The following LGALS12 variants were observed in gnomAD, a reference collection of about 807,000 sequenced individuals.
LGALS12 encodes galectin 12.
A neutral mutation model predicts 36.8 loss-of-function variants in LGALS12; 36 were observed. The ratio of observed to expected loss-of-function variants is 0.98; its 90% CI spans 0.75 to 1.29. LGALS12 has a LOEUF of 1.29. Ranked by LOEUF, LGALS12 falls within the 50% of genes most tolerant of loss-of-function variation. LGALS12 has a pLI of 0.00. For synonymous variants in LGALS12, 145 were observed against 155.9 expected (o/e 0.93, Z 0.52); for missense variants, 366 against 394.3 (o/e 0.93, Z 0.61).
intron 5 of LGALS12, 119 bp downstream of exon 5, chr11:63,510,620 C>T (rs973791957): frequency 2.5e-5 from 23 of 924,958 alleles, no homozygotes; most frequent in Non-Finnish European, 3.4e-5. Context: ...TTGCCACGGA[C>T]ATGGCTGGCT....
chr11:63,507,451 T>C (rs940333468), intron 1 of LGALS12, among the ~76,000 whole-genome samples: 1 of 152,000 alleles, frequency 6.6e-6, no homozygotes, highest in Non-Finnish European at 1.5e-5. Context: ...CGGCGTCAGG[T>C]GAGGCACTGA....
rs1441495814 is a variant in LGALS12, at chr11:63,507,729, T to A, written c.70-824T>A. Among the ~76,000 whole-genome samples the A allele has an allele frequency of 2.3e-5, 3 of 132,060 alleles. No homozygotes were observed. The East Asian group carries it at 7.7e-4, about 34-fold the overall frequency. 86.6% of individuals were successfully genotyped at this position (132,060 alleles called of 152,430 possible). A position where few individuals can be genotyped will look rare whatever the true frequency, so the allele number is the denominator to read the frequency against. ...TTTAGGAAGGCCAGGCAACTTCTTT[T>A]TTTTTTTTTTTTTTTTTTTTTTTGA... is the stretch of plus-strand genomic sequence containing the variant. On this transcript the variant is annotated intron_variant, in intron 1 of 8. Transcript: ENST00000394618.
chr11:63,508,140 ATTC>A, intron 1 of LGALS12: 1 of 1,052,136 alleles, frequency 9.5e-7, no homozygotes, highest in Non-Finnish European at 1.1e-6. Context: ...TAACTTGTCC[ATTC>A]TTCTTGCCTC....
chr11:63,510,815 C>A (rs143432810), intron 5 of LGALS12, among the ~76,000 whole-genome samples: 22 of 152,264 alleles, frequency 1.4e-4, no homozygotes, highest in African/African-American at 5.3e-4. Flanking sequence ...GTTGGTCTTG[C>A]GGGACAGAAG....
At position 63,509,842 on chromosome 11, in the gene LGALS12, C is replaced by T. The variant is rs534811017; in HGVS notation, c.437C>T (p.Thr146Met). The T allele has an allele frequency of 1.5e-4, 235 of 1,614,110 alleles. 1 individual carries two copies. In the South Asian group the frequency reaches 2.3e-3, roughly 16 times the overall value. ...CGGCTCCCACTGTCTCATGTGGACA[C>T]GCTGGGTATATTTGGTGACATCCTG... ...RYRLPLSHVD[T>M]LGIFGDILVE... is the part of the protein sequence containing the mutation. Residue 146 changes from threonine (T) to methionine (M), a missense_variant, in exon 4 of 9, where the codon ACG becomes ATG. Transcript: ENST00000394618.
rs572173948 is a variant in LGALS12, at chr11:63,507,624, T to C, written c.70-929T>C. Among the ~76,000 whole-genome samples the C allele has an allele frequency of 7.7e-5, 7 of 91,138 alleles. No individual in the cohort carries two copies. The East Asian group carries it at 1.8e-3, about 24-fold the overall frequency. The allele number at this position is 91,138 out of a possible 152,430, so 59.8% of individuals were successfully genotyped here. A position where few individuals can be genotyped will look rare whatever the true frequency, so the allele number is the denominator to read the frequency against. On this transcript the variant is annotated intron_variant, in intron 1 of 8. Transcript: ENST00000394618. ...TAATCCAAGGAACCCAAGTGGATGATGCTTGGAAAGAGTCAGGGTGGAAAG... is the reference window on the plus strand; with the variant it reads ...TAATCCAAGGAACCCAAGTGGATGACGCTTGGAAAGAGTCAGGGTGGAAAG...
At position 63,506,255 on chromosome 11, in the gene LGALS12, G is replaced by C. The variant is rs1387908621; in HGVS notation, c.-204G>C. 2 of 860,862 alleles carry C rather than the reference G, an allele frequency of 2.3e-6. No individual in the cohort carries two copies. Among genetic ancestry groups the C allele is most frequent in the Non-Finnish European group, 3.5e-6 (2 of 564,800 alleles). The allele number at this position is 860,862 out of a possible 1,614,324, so 53.3% of individuals were successfully genotyped here. On this transcript the variant is annotated 5_prime_UTR_variant, in exon 1 of 9. Coordinates refer to ENST00000394618, the MANE Select transcript of LGALS12 (RefSeq NM_033101.4). ...AGAGCTCTGCTGTATACCACCGGGA[G>C]TGGGGCTGGTGTGGAGCCTGGAGGT...
rs1166887182 is a variant in LGALS12 at position 63,510,522 on chromosome 11, G to T, written c.531+21G>T. ...GACATGTGAGTTTCTTGGCAGCAAG[G>T]TCTGAGCAGCCACACCAGCTGACCC... On this transcript the variant is annotated intron_variant, in intron 5 of 8. Coordinates refer to ENST00000394618, the MANE Select transcript of LGALS12 (RefSeq NM_033101.4). 7 of 1,612,984 alleles carry T rather than the reference G, an allele frequency of 4.3e-6. No homozygotes were observed. The Admixed American group carries it at 6.7e-5, about 15-fold the overall frequency.
chr11:63,516,153 T>A lies in LGALS12; in HGVS notation c.799-94T>A. On this transcript the variant is annotated intron_variant, in intron 8 of 8. Coordinates refer to ENST00000394618, the MANE Select transcript of LGALS12 (RefSeq NM_033101.4). ...CCCCCTGGGTCCAGTCTTCGTGTCC[T>A]ATGAGAGGAGGAGGGTCTCACTGGA... is the stretch of plus-strand genomic sequence containing the variant. 5 of 1,459,986 alleles carry A rather than the reference T, an allele frequency of 3.4e-6. No homozygotes were observed. The South Asian group carries it at 6.8e-5, about 20-fold the overall frequency. The allele number at this position is 1,459,986 out of a possible 1,614,324, so 90.4% of individuals were successfully genotyped here.
In LGALS12 at chr11:63,508,648, C is replaced by G. The variant is rs981536806; in HGVS notation, c.158+7C>G. The G allele has an allele frequency of 6.2e-7, 1 of 1,613,838 alleles. No individual in the cohort carries two copies. Among genetic ancestry groups the G allele is most frequent in the Non-Finnish European group, 8.5e-7 (1 of 1,179,990 alleles). ...TCCCTCTAGATGCACACAGGTAAGG[C>G]GGGGGAGGTGGCCCAGGGGGTGCTG... is the stretch of plus-strand genomic sequence containing the variant. On this transcript the variant is annotated splice_region_variant and intron_variant, in intron 2 of 8. Transcript: ENST00000394618.
In LGALS12 at chr11:63,515,640, C is replaced by A. The variant is rs142391311; in HGVS notation, c.725C>A (p.Ala242Asp). The stretch of plus-strand genomic sequence containing the variant: ...GCCTCCTTCGCAGACAGAACTCTGG[C>A]CTGGATCTCCCGCTGGGGGCAGAAG... The part of the protein sequence containing the change: ...LRASFADRTL[A>D]WISRWGQKKL... The change falls in exon 8 of 9, where the codon GCC becomes GAC. Residue 242 changes from alanine to aspartate, a missense_variant. By Grantham distance (126) the Ala-to-Asp change is moderately radical (BLOSUM62 -2). Coordinates refer to ENST00000394618, the MANE Select transcript of LGALS12 (RefSeq NM_033101.4). The A allele has an allele frequency of 6.8e-6, 11 of 1,614,120 alleles. No homozygotes were observed. The highest frequency in any genetic ancestry group is 9.3e-6 in the Non-Finnish European group (11 of 1,180,040).
Position 63,506,202 on chromosome 11 carries a change from G to A in LGALS12, c.-257G>A, listed in dbSNP as rs2016738822. 1.6e-6 allele frequency: 1 copy of A among 606,874 alleles called. No individual in the cohort carries two copies. Among genetic ancestry groups the A allele is most frequent in the Non-Finnish European group, 2.9e-6 (1 of 347,254 alleles). The allele number at this position is 606,874 out of a possible 1,614,324, so 37.6% of individuals were successfully genotyped here. ...TGCCAGTCTTCCTCCCCTGGACACT[G>A]AGTTCTGCTGACAGCCCCCGCCCAG... On this transcript the variant is annotated 5_prime_UTR_variant, in exon 1 of 9. Transcript: ENST00000394618.
At position 63,515,649 on chromosome 11, in the gene LGALS12, C is replaced by A; in HGVS notation, c.734C>A (p.Ser245Tyr). The A allele has an allele frequency of 6.2e-7, 1 of 1,614,224 alleles. No homozygotes were observed. Among genetic ancestry groups the A allele is most frequent in the Non-Finnish European group, 8.5e-7 (1 of 1,180,032 alleles). The change falls in exon 8 of 9, where the codon TCC becomes TAC. Residue 245 changes from serine to tyrosine, a missense_variant. Transcript: ENST00000394618. ...GCAGACAGAACTCTGGCCTGGATCT[C>A]CCGCTGGGGGCAGAAGAAACTGATC... is the stretch of plus-strand genomic sequence containing the variant. ...SFADRTLAWISRWGQKKLISA... is the reference protein window; with the variant it reads ...SFADRTLAWIYRWGQKKLISA...
At chr11:63,509,531 G>T (rs1192027072) in intron 3 of LGALS12, among the ~76,000 whole-genome samples, 4 of 152,196 alleles carry the variant, frequency 2.6e-5, no homozygotes, top group African/African-American at 9.7e-5. Flanking sequence ...TGCTGAGAAA[G>T]CACAATGAGG....
At chr11:63,512,034 G>A (rs747049612) in intron 7 of LGALS12, among the ~76,000 whole-genome samples, 194 bp downstream of exon 7, 1 of 152,220 alleles carries the variant, frequency 6.6e-6, no homozygotes, top group Non-Finnish European at 1.5e-5. Flanking sequence ...GACTGGGACC[G>A]ACAGCCCCAC....
intron 8 of LGALS12, 110 bp from the exon 9 acceptor site, chr11:63,516,137 T>C (rs1211533901): frequency 8.0e-6 from 11 of 1,379,830 alleles, no homozygotes; most frequent in Admixed American, 7.2e-5. Context: ...GCCCCCTGGG[T>C]CCAGTCTTCG....
At chr11:63,508,756 T>C (rs754623831) in intron 2 of LGALS12, 22 bp from the exon 3 acceptor site, 60 of 1,613,930 alleles carry the variant, frequency 3.7e-5, no homozygotes, top group Non-Finnish European at 5.0e-5. Flanking sequence ...AACCGCACTT[T>C]GAGAGCCTCA....
At chr11:63,511,246 A>G (rs1389672729) in intron 6 of LGALS12, 141 bp downstream of exon 6, 32 of 804,058 alleles carry the variant, frequency 4.0e-5, no homozygotes, top group Non-Finnish European at 6.7e-5. Context: ...TGGGTGGGCC[A>G]GGCAGCTTAT....
At chr11:63,514,572 AAAAAT>A (rs1002669562) in intron 7 of LGALS12, among the ~76,000 whole-genome samples, 1 of 152,168 alleles carries the variant, frequency 6.6e-6, no homozygotes, top group African/African-American at 2.4e-5. Context: ...TCTGTCTCAA[AAAAAT>A]AAAATAAAAT....
Sources: gnomAD v4.1 joint callset for allele counts (sites outside exome capture counted in the v4.1 genomes callset) on GRCh38, gnomAD v4.1.1 for gene constraint, MANE v1.5 for transcripts, NCBI Gene and HGNC (gene_info 2026-07-23, HGNC 2026-07-21) for gene names.